Variants in CELF4 observed in about 807,000 individuals in gnomAD.
CELF4 encodes CUG-BP- and ETR-3-like factor 4.
In CELF4, 18 loss-of-function variants were observed where a neutral mutation model predicts 59.9. The ratio of observed to expected loss-of-function variants is 0.30; its 90% CI spans 0.21 to 0.45. The LOEUF (loss-of-function observed/expected upper bound fraction) is 0.45. Ranked by LOEUF, CELF4 falls within the 20% of genes least tolerant of loss-of-function variation. CELF4 has a pLI of 1.00. For missense variants in CELF4, 456 were observed against 689.0 expected, an observed-to-expected ratio of 0.66 and a Z score of 3.79; for synonymous variants, 261 against 267.1, an observed-to-expected ratio of 0.98 and a Z score of 0.22.
chr18:37,512,027 A>T (rs1190252835), intron 1 of CELF4, among the ~76,000 whole-genome samples: 1 of 152,074 alleles, frequency 6.6e-6, no homozygotes. Context: ...GACAGAAAAA[A>T]CCGTACACAA....
At chr18:37,459,901 A>G (rs1386728770) in intron 2 of CELF4, among the ~76,000 whole-genome samples, 2 of 152,200 alleles carry the variant, frequency 1.3e-5, no homozygotes, top group Non-Finnish European at 1.5e-5. Flanking sequence ...TTCTAAATAC[A>G]TACGTCCTTG....
intron 2 of CELF4, among the ~76,000 whole-genome samples, chr18:37,354,452 G>A (rs1046744348): frequency 6.6e-6 from 1 of 152,184 alleles, no homozygotes; most frequent in Admixed American, 6.5e-5. Context: ...AGAACTGAGA[G>A]CCACCTCTGT....
At chr18:37,561,667 G>T (rs1362368625) in intron 1 of CELF4, among the ~76,000 whole-genome samples, 4 of 152,096 alleles carry the variant, frequency 2.6e-5, no homozygotes, top group Non-Finnish European at 4.4e-5. Flanking sequence ...GCCTCTTTTT[G>T]TTCTACAGGA....
chr18:37,301,744 C>T (rs2096055803), intron 3 of CELF4, among the ~76,000 whole-genome samples: 3 of 152,212 alleles, frequency 2.0e-5, no homozygotes, highest in Non-Finnish European at 2.9e-5. Context: ...TTTAAAGAGC[C>T]GGAAGGCCTC....
At position 37,348,082 on chromosome 18, in the gene CELF4, G is replaced by T. The variant is rs765608856; in HGVS notation, c.370-26201C>A. Among the ~76,000 whole-genome samples the T allele has an allele frequency of 1.3e-3, 199 of 152,226 alleles. No homozygotes were observed. In the Middle Eastern group the frequency reaches 0.014, roughly 10 times the overall value. ...GGGCCTCTGGTCTCCTGCCCGCCTG[G>T]CCCTGTGCCCTGCATCCCCAGTTCC... On this transcript the variant is annotated intron_variant, in intron 2 of 12. Coordinates refer to ENST00000420428, the MANE Select transcript of CELF4 (RefSeq NM_020180.4).
At chr18:37,420,437 G>C (rs542670993) in intron 2 of CELF4, among the ~76,000 whole-genome samples, 50 of 152,328 alleles carry the variant, frequency 3.3e-4, no homozygotes, top group African/African-American at 1.2e-3. Flanking sequence ...GAATCCTCAG[G>C]AAAGGCTTTG....
rs146459735 is a variant in CELF4 at position 37,287,454 on chromosome 18, T to A, written c.449-12211A>T. On this transcript the variant is annotated intron_variant, in intron 3 of 12. Coordinates refer to ENST00000420428, the MANE Select transcript of CELF4 (RefSeq NM_020180.4). ...GAGTCACCCTGTAAAGCTGTTGAAC[T>A]AATTTCGGGAGGCGGGGTGAGGGGA... Among the ~76,000 whole-genome samples, 815 of 152,342 alleles carry A rather than the reference T, an allele frequency of 5.3e-3. 3 individuals carry two copies. The highest frequency in any genetic ancestry group is 7.5e-3 in the Non-Finnish European group (513 of 68,034).
intron 2 of CELF4, among the ~76,000 whole-genome samples, chr18:37,461,850 G>A (rs2099794502): frequency 6.6e-6 from 1 of 152,218 alleles, no homozygotes; most frequent in African/African-American, 2.4e-5. Context: ...TAGGAGACTA[G>A]CTACAAGGCC....
At chr18:37,275,303 C>A (rs977777305) in intron 3 of CELF4, 60 bp from the exon 4 acceptor site, 11 of 1,568,868 alleles carry the variant, frequency 7.0e-6, no homozygotes, top group Middle Eastern at 1.7e-4. Flanking sequence ...GGGAGCAGGG[C>A]AAGGCCGGAG....
At chr18:37,487,201 C>G (rs1379152473) in intron 1 of CELF4, among the ~76,000 whole-genome samples, 1 of 152,208 alleles carries the variant, frequency 6.6e-6, no homozygotes, top group Non-Finnish European at 1.5e-5. Context: ...CACCAACCAG[C>G]CTGTACCCAG....
Position 37,502,070 on chromosome 18 carries a change from C to T in CELF4, c.287-16463G>A, listed in dbSNP as rs185156907. On this transcript the variant is annotated intron_variant, in intron 1 of 12. Coordinates refer to ENST00000420428, the MANE Select transcript of CELF4 (RefSeq NM_020180.4). ...CTCTGCCTCCCATGACCAGGCCCCC[C>T]GTGAACCTCGAGCCACTGAGCTGCC... is the stretch of plus-strand genomic sequence containing the variant. Among the ~76,000 whole-genome samples the T allele has an allele frequency of 1.1e-4, 17 of 152,250 alleles. No homozygotes were observed. In the East Asian group the frequency reaches 1.9e-3, roughly 17 times the overall value.
intron 1 of CELF4, among the ~76,000 whole-genome samples, chr18:37,517,350 G>A (rs1033196647): frequency 1.3e-5 from 2 of 152,258 alleles, no homozygotes; most frequent in Admixed American, 1.3e-4. Context: ...ACTGCAAGGT[G>A]TCTTGCAAGC....
chr18:37,454,539 T>C (rs12605960), intron 2 of CELF4, among the ~76,000 whole-genome samples: 22,638 of 152,080 alleles, frequency 0.15, 2,131 homozygotes, highest in East Asian at 0.31. Flanking sequence ...TGTAGCTTAA[T>C]TTTCCCTGTG....
At position 37,311,508 on chromosome 18, in the gene CELF4, G is replaced by C. The variant is rs572085798; in HGVS notation, c.448+10295C>G. Among the ~76,000 whole-genome samples the C allele has an allele frequency of 1.7e-3, 264 of 152,320 alleles. 2 individuals carry two copies. The highest frequency in any genetic ancestry group is 6.1e-3 in the African/African-American group (254 of 41,564). ...GATTCTCTTAAATTTTAAGTCAGAA[G>C]GGCTGGCCTGGTGGCTCACACCTGT... On this transcript the variant is annotated intron_variant, in intron 3 of 12. Coordinates refer to ENST00000420428, the MANE Select transcript of CELF4 (RefSeq NM_020180.4).
chr18:37,379,681 C>T (rs1177368856), intron 2 of CELF4, among the ~76,000 whole-genome samples: 1 of 152,092 alleles, frequency 6.6e-6, no homozygotes, highest in African/African-American at 2.4e-5. Context: ...CCTCTGCTTC[C>T]TTGCTCACAA....
chr18:37,519,403 G>A (rs183150428), intron 1 of CELF4, among the ~76,000 whole-genome samples: 1 of 152,142 alleles, frequency 6.6e-6, no homozygotes, highest in South Asian at 2.1e-4. Flanking sequence ...ACTTTGTCTG[G>A]CTTTGTTTGC....
intron 9 of CELF4, 24 bp downstream of exon 9, chr18:37,266,509 C>A: frequency 6.3e-7 from 1 of 1,577,174 alleles, no homozygotes; most frequent in Non-Finnish European, 8.6e-7. Flanking sequence ...GGGGAAGGAG[C>A]CGTGGGGACG....
chr18:37,444,113 T>C (rs2099741045), intron 2 of CELF4, among the ~76,000 whole-genome samples: 1 of 152,004 alleles, frequency 6.6e-6, no homozygotes, highest in Admixed American at 6.6e-5. Flanking sequence ...ATTAAATGAG[T>C]TAACATATGC....
intron 2 of CELF4, among the ~76,000 whole-genome samples, chr18:37,390,810 G>T (rs1202973640): frequency 7.2e-6 from 1 of 138,646 alleles, no homozygotes; most frequent in African/African-American, 2.6e-5. Flanking sequence ...GGCGGGGAGG[G>T]GGGGCAGTGC....
Sources: gnomAD v4.1 joint callset for allele counts (sites outside exome capture counted in the v4.1 genomes callset) on GRCh38, gnomAD v4.1.1 for gene constraint, MANE v1.5 for transcripts, NCBI Gene and HGNC (gene_info 2026-07-23, HGNC 2026-07-21) for gene names.